Variants in MAOB observed in about 807,000 individuals in gnomAD.
MAOB encodes amine oxidase [flavin-containing] B.
In MAOB, 15 loss-of-function variants were observed where a neutral mutation model predicts 41.9. The observed-to-expected ratio is 0.36, with a 90% confidence interval of 0.24 to 0.55. MAOB has a LOEUF of 0.55. MAOB is among the 20% of genes least tolerant of loss of function. MAOB has a pLI of 0.86. For missense variants in MAOB, 345 were observed against 398.7 expected (o/e 0.87, Z 1.15); for synonymous variants, 167 against 144.2 (o/e 1.16, Z -1.13).
chrX:43,794,571 T>C (rs769602629), intron 7 of MAOB, among the ~76,000 whole-genome samples: 2 of 111,127 alleles, frequency 1.8e-5, no homozygotes, highest in South Asian at 7.8e-4. Flanking sequence ...CCTAGAATCA[T>C]GTCAGGCACA....
rs1002040984 is a variant in MAOB, at chrX:43,853,609, A to C, written c.47-9845T>G. Among the ~76,000 whole-genome samples the C allele has an allele frequency of 3.6e-5, 4 of 112,065 alleles. No individual in the cohort carries two copies. In the East Asian group the frequency reaches 8.4e-4, roughly 24 times the overall value. ...GGAGATAGTCTTTACAGAGGTAATC[A>C]AGTTAAAATGAGGTCAGTATTGTGG... On this transcript the variant is annotated intron_variant, in intron 1 of 14. Transcript: ENST00000378069.
intron 1 of MAOB, among the ~76,000 whole-genome samples, chrX:43,877,671 T>C (rs1353501748): frequency 1.8e-5 from 2 of 112,222 alleles, no homozygotes; most frequent in Admixed American, 9.4e-5. Context: ...CAGATCAGAA[T>C]TGGAATAATA....
At chrX:43,782,515 A>G (rs1006137917) in intron 8 of MAOB, among the ~76,000 whole-genome samples, 7 of 111,410 alleles carry the variant, frequency 6.3e-5, no homozygotes, top group Non-Finnish European at 1.1e-4. Flanking sequence ...TACCAACCAA[A>G]AAAAGCCCAA....
chrX:43,784,088 G>A lies in MAOB; in HGVS notation c.929-2544C>T, dbSNP rs370296961. 9.2e-4 allele frequency among the ~76,000 whole-genome samples: 103 copies of A among 111,921 alleles called. 2 individuals carry two copies. Among genetic ancestry groups the A allele is most frequent in the African/African-American group, 3.0e-3 (93 of 30,779 alleles). On this transcript the variant is annotated intron_variant, in intron 8 of 14. Coordinates refer to ENST00000378069, the MANE Select transcript of MAOB (RefSeq NM_000898.5). ...ACTCACATCTTCAGGTTCCACTTATGATTCTAATTCTCTTGCTATTTCCAC... is the reference window on the plus strand; with the variant it reads ...ACTCACATCTTCAGGTTCCACTTATAATTCTAATTCTCTTGCTATTTCCAC...
intron 4 of MAOB, 105 bp downstream of exon 4, chrX:43,803,195 A>C: frequency 1.5e-6 from 1 of 648,971 alleles, no homozygotes; most frequent in Non-Finnish European, 2.2e-6. Flanking sequence ...TTTAGTTACC[A>C]TGTGTTCACA....
intron 1 of MAOB, among the ~76,000 whole-genome samples, chrX:43,877,559 TTTA>T (rs1359695453): frequency 8.9e-6 from 1 of 112,071 alleles, no homozygotes; most frequent in East Asian, 2.8e-4. Context: ...CTTTTTATCA[TTTA>T]TTATTAAATA....
intron 3 of MAOB, among the ~76,000 whole-genome samples, chrX:43,825,956 C>T (rs746088746): frequency 2.7e-5 from 3 of 111,941 alleles, no homozygotes; most frequent in Middle Eastern, 9.2e-3. Context: ...CTGCACTTAG[C>T]CATATTTCTT....
intron 5 of MAOB, among the ~76,000 whole-genome samples, chrX:43,797,693 C>T (rs1335322223): frequency 8.9e-6 from 1 of 111,921 alleles, no homozygotes; most frequent in Admixed American, 9.5e-5. Context: ...ATCACTCCAC[C>T]TTCACCACAA....
intron 1 of MAOB, among the ~76,000 whole-genome samples, chrX:43,863,233 T>C (rs752542535): frequency 1.8e-5 from 2 of 112,294 alleles, no homozygotes; most frequent in South Asian, 7.4e-4. Context: ...TTTAGTGCAC[T>C]GTCATTTATA....
intron 2 of MAOB, among the ~76,000 whole-genome samples, chrX:43,843,355 TCTCACA>T (rs1199434484): frequency 2.3e-4 from 17 of 74,531 alleles, no homozygotes; most frequent in East Asian, 3.5e-4. Context: ...TCTCTCTCTG[TCTCACA>T]CACACACACA....
intron 1 of MAOB, among the ~76,000 whole-genome samples, chrX:43,877,800 G>C (rs762069504): frequency 3.6e-5 from 4 of 112,013 alleles, no homozygotes; most frequent in Middle Eastern, 4.6e-3. Context: ...CTTGCGGGGG[G>C]ATAAAGGAAT....
At chrX:43,847,203 G>A (rs1358524652) in intron 1 of MAOB, among the ~76,000 whole-genome samples, 1 of 110,912 alleles carries the variant, frequency 9.0e-6, no homozygotes, top group African/African-American at 3.3e-5. Context: ...AATTACCCGG[G>A]TGTGGTGGCG....
At chrX:43,880,158 A>AAAT (rs1356641823) in intron 1 of MAOB, among the ~76,000 whole-genome samples, 8 of 112,272 alleles carry the variant, frequency 7.1e-5, no homozygotes, top group Admixed American at 4.7e-4. Context: ...GGCCCTGTAT[A>AAAT]AATCATCTTT....
intron 1 of MAOB, among the ~76,000 whole-genome samples, chrX:43,881,601 T>C (rs372095351): frequency 3.6e-5 from 4 of 111,754 alleles, no homozygotes; most frequent in East Asian, 5.7e-4. Context: ...CCTTGCCAAA[T>C]ATGGGCTAGG....
In MAOB at chrX:43,777,742, C is replaced by T. The variant is rs1280738656; in HGVS notation, c.1137+940G>A. On this transcript the variant is annotated intron_variant, in intron 11 of 14. Transcript: ENST00000378069. ...GGCTTAACAAGTTAAACATTCTCAG[C>T]CTCCTCATTAGACTTTTCTCACGCA... Among the ~76,000 whole-genome samples the T allele has an allele frequency of 2.7e-5, 3 of 111,926 alleles. No homozygotes were observed. The East Asian group carries it at 8.4e-4, about 32-fold the overall frequency.
intron 1 of MAOB, among the ~76,000 whole-genome samples, chrX:43,870,720 G>A (rs181597096): frequency 5.8e-5 from 6 of 103,903 alleles, no homozygotes; most frequent in East Asian, 3.0e-4. Context: ...GCATGAACCC[G>A]GGAGGCGGAG....
chrX:43,848,364 C>T (rs1807864293), intron 1 of MAOB, among the ~76,000 whole-genome samples: 1 of 111,711 alleles, frequency 9.0e-6, no homozygotes, highest in Admixed American at 9.5e-5. Flanking sequence ...CTTGAAAATA[C>T]TACATAAGGA....
chrX:43,838,895 C>A lies in MAOB; in HGVS notation c.252G>T (p.Glu84Asp), dbSNP rs781299154. Residue 84 changes from glutamate to aspartate, a missense_variant, in exon 3 of 15, where the codon GAG becomes GAT. Coordinates refer to ENST00000378069, the MANE Select transcript of MAOB (RefSeq NM_000898.5). Reference sequence around the variant, plus strand: ...TTACATGGTGGATCAGACGCTCAACCTCATTCACTTTGTAGGTCTCCAATC... The same window carrying A: ...TTACATGGTGGATCAGACGCTCAACATCATTCACTTTGTAGGTCTCCAATC... ...ELGLETYKVN[E>D]VERLIHHVKG... 23 of 1,203,114 alleles carry A rather than the reference C, an allele frequency of 1.9e-5. No individual in the cohort carries two copies. Among genetic ancestry groups the A allele is most frequent in the Non-Finnish European group, 2.1e-5 (19 of 892,084 alleles).
chrX:43,774,404 C>T (rs1266373563), intron 12 of MAOB, among the ~76,000 whole-genome samples: 3 of 111,632 alleles, frequency 2.7e-5, no homozygotes, highest in Non-Finnish European at 5.6e-5. Flanking sequence ...ATGTGAATTA[C>T]GTCTCAATAA....
Sources: gnomAD v4.1 joint callset for allele counts (sites outside exome capture counted in the v4.1 genomes callset) on GRCh38, gnomAD v4.1.1 for gene constraint, MANE v1.5 for transcripts, NCBI Gene and HGNC (gene_info 2026-07-23, HGNC 2026-07-21) for gene names.